The following XRN1 variants were observed in gnomAD, a reference collection of about 807,000 sequenced individuals.
XRN1 encodes 5'-3' exoribonuclease 1.
XRN1 carries 67 observed loss-of-function variants against 222.3 expected under a neutral mutation model. The ratio of observed to expected loss-of-function variants is 0.30; its 90% CI spans 0.25 to 0.37. The LOEUF (loss-of-function observed/expected upper bound fraction) is 0.37, where lower values mean the gene tolerates loss of function less well. Ranked by LOEUF, XRN1 falls within the 10% of genes least tolerant of loss-of-function variation. The pLI is 1.00. For synonymous variants in XRN1, 643 were observed against 652.4 expected, an observed-to-expected ratio of 0.99 and a Z score of 0.22; for missense variants, 1,707 against 2,000.2, an observed-to-expected ratio of 0.85 and a Z score of 2.80.
chr3:142,393,834 T>C (rs2067827375), intron 20 of XRN1, among the ~76,000 whole-genome samples: 1 of 142,622 alleles, frequency 7.0e-6, no homozygotes, highest in African/African-American at 2.6e-5. Context: ...CTCCCAGACC[T>C]TTTTTTTTTT....
At chr3:142,338,874 T>C (rs2065913932) in intron 33 of XRN1, among the ~76,000 whole-genome samples, 1 of 152,056 alleles carries the variant, frequency 6.6e-6, no homozygotes, top group Non-Finnish European at 1.5e-5. Flanking sequence ...CCGCAGAAAG[T>C]GAAGGGAAGA....
chr3:142,438,424 CG>C, intron 1 of XRN1, among the ~76,000 whole-genome samples: 1 of 152,184 alleles, frequency 6.6e-6, no homozygotes, highest in East Asian at 1.9e-4. Flanking sequence ...CATCGGTAAG[CG>C]TAACTAATCC....
intron 2 of XRN1, among the ~76,000 whole-genome samples, chr3:142,428,124 G>A (rs921772076): frequency 1.3e-5 from 2 of 152,140 alleles, no homozygotes; most frequent in African/African-American, 2.4e-5. Flanking sequence ...CAGGTGCGGT[G>A]GCTCACACCT....
In XRN1 at chr3:142,397,408, C is replaced by T; in HGVS notation, c.2260G>A (p.Ala754Thr). 2 of 1,608,900 alleles carry T rather than the reference C, an allele frequency of 1.2e-6. No individual in the cohort carries two copies. Among genetic ancestry groups the T allele is most frequent in the East Asian group, 4.5e-5 (2 of 44,674 alleles). The change falls in exon 20 of 41, where the codon GCC becomes ACC. Residue 754 changes from alanine to threonine, a missense_variant. Around this residue, in one of 2 missense-constraint regions of XRN1, gnomAD observed 1,234 missense variants for 1,518.2 expected, o/e 0.81. Coordinates refer to ENST00000392981, the MANE Select transcript of XRN1 (RefSeq NM_001282857.2). ...GTQKLYSGRT[A>T]PPSKVVHLGD... The stretch of plus-strand genomic sequence containing the variant: ...AGATGAACCACTTTAGATGGTGGGG[C>T]AGTTCTTCCTGAATAAAGCTTCTGT...
At chr3:142,387,611 G>A (rs1002868386) in intron 20 of XRN1, among the ~76,000 whole-genome samples, 7 of 152,136 alleles carry the variant, frequency 4.6e-5, no homozygotes, top group African/African-American at 1.4e-4. Context: ...TTTACACTGA[G>A]TCTATTAAGT....
Position 142,422,568 on chromosome 3 carries a change from TA to T in XRN1, c.967+13del. The T allele has an allele frequency of 6.2e-7, 1 of 1,610,786 alleles. No individual in the cohort carries two copies. Among genetic ancestry groups the T allele is most frequent in the Non-Finnish European group, 8.5e-7 (1 of 1,178,114 alleles). ...AATTAAAGTATCCTCGAGAGATTAT[TA>T]AATTCTTCTTACCCCCAAGTTCTGG... On this transcript the variant is annotated intron_variant, in intron 8 of 40. Transcript: ENST00000392981.
chr3:142,316,328 C>T (rs1284735686), intron 39 of XRN1, among the ~76,000 whole-genome samples: 2 of 151,454 alleles, frequency 1.3e-5, no homozygotes, highest in East Asian at 1.9e-4. Flanking sequence ...GTTATCCTCC[C>T]GCCTCAGCCT....
chr3:142,445,017 T>A (rs1411506789), intron 1 of XRN1, among the ~76,000 whole-genome samples: 1 of 152,242 alleles, frequency 6.6e-6, no homozygotes, highest in Non-Finnish European at 1.5e-5. Context: ...TATGCTGCTT[T>A]GGTTTTTTCT....
intron 23 of XRN1, among the ~76,000 whole-genome samples, chr3:142,378,047 A>G (rs1380140859): frequency 1.3e-5 from 2 of 152,172 alleles, no homozygotes; most frequent in African/African-American, 4.8e-5. Context: ...CAGGATATAA[A>G]GCTTTATATT....
intron 1 of XRN1, among the ~76,000 whole-genome samples, chr3:142,438,291 A>G (rs943897575): frequency 5.9e-5 from 9 of 151,912 alleles, no homozygotes; most frequent in Non-Finnish European, 1.0e-4. Context: ...CACCCTGGAA[A>G]GGAACTCACC....
chr3:142,426,229 A>C (rs977712294), intron 3 of XRN1, among the ~76,000 whole-genome samples: 16 of 152,342 alleles, frequency 1.1e-4, no homozygotes, highest in African/African-American at 3.1e-4. Context: ...AGGTTGTAGA[A>C]GTATATAGAG....
chr3:142,415,108 T>C (rs766655003), intron 13 of XRN1, among the ~76,000 whole-genome samples: 2 of 152,236 alleles, frequency 1.3e-5, no homozygotes, highest in Non-Finnish European at 2.9e-5. Context: ...ATCTTTGAAT[T>C]AGCATGCTTA....
rs543665228 is a variant in XRN1, at chr3:142,411,946, T to C, written c.1713+598A>G. 1.5e-4 allele frequency among the ~76,000 whole-genome samples: 23 copies of C among 151,374 alleles called. No individual in the cohort carries two copies. The South Asian group carries it at 4.8e-3, about 32-fold the overall frequency. ...CACGCCATTCTCCTGCCTCAGCCTC[T>C]CGAGTAGCTGGGACTACAGGCGCCC... is the stretch of plus-strand genomic sequence containing the variant. On this transcript the variant is annotated intron_variant, in intron 15 of 40. Coordinates refer to ENST00000392981, the MANE Select transcript of XRN1 (RefSeq NM_001282857.2).
chr3:142,381,412 G>T (rs967318228), intron 22 of XRN1, among the ~76,000 whole-genome samples: 2 of 152,012 alleles, frequency 1.3e-5, no homozygotes, highest in South Asian at 4.1e-4. Flanking sequence ...ACCAAATAAT[G>T]TCCTTTATAG....
chr3:142,391,619 T>C (rs1389153343), intron 20 of XRN1, among the ~76,000 whole-genome samples: 1 of 151,838 alleles, frequency 6.6e-6, no homozygotes, highest in South Asian at 2.1e-4. Context: ...GTCCCAGCTA[T>C]TGCAGAGGCG....
chr3:142,376,311 T>C, intron 24 of XRN1, 168 bp downstream of exon 24: 1 of 718,046 alleles, frequency 1.4e-6, no homozygotes, highest in East Asian at 2.8e-5. Flanking sequence ...TCCAACCACC[T>C]AAAACATGTG....
chr3:142,364,635 A>G (rs969981563), intron 29 of XRN1, among the ~76,000 whole-genome samples: 4 of 152,194 alleles, frequency 2.6e-5, no homozygotes, highest in Admixed American at 2.6e-4. Context: ...ATTTAATCTC[A>G]GAAACTAAGT....
At chr3:142,409,436 C>T (rs934667440) in intron 15 of XRN1, among the ~76,000 whole-genome samples, 2 of 152,182 alleles carry the variant, frequency 1.3e-5, no homozygotes, top group Non-Finnish European at 2.9e-5. Flanking sequence ...ACTTTCTTTA[C>T]TCACTGAATG....
Position 142,365,304 on chromosome 3 carries a change from A to G in XRN1, c.3261+6T>C. 1 of 1,593,346 alleles carries G rather than the reference A, an allele frequency of 6.3e-7. No homozygotes were observed. Among genetic ancestry groups the G allele is most frequent in the Non-Finnish European group, 8.5e-7 (1 of 1,170,886 alleles). On this transcript the variant is annotated splice_donor_region_variant and intron_variant, in intron 28 of 40. Transcript: ENST00000392981. ...ACAACTCTGAATTCTTTGATAGGAA[A>G]CTTACTCTGTATAGCAAATGGGGTT...
Sources: allele counts gnomAD v4.1 joint callset (sites outside exome capture counted in the v4.1 genomes callset), GRCh38; gene constraint gnomAD v4.1.1; regional missense constraint gnomAD v4.1.1; transcripts MANE v1.5; gene names NCBI Gene and HGNC (gene_info 2026-07-23, HGNC 2026-07-21).